The following HM13 variants were observed in gnomAD, a reference collection of about 807,000 sequenced individuals.
The protein encoded by HM13 is signal peptide peptidase.
Under a neutral mutation model 50.0 loss-of-function variants are expected in HM13, and 18 were observed. The ratio of observed to expected loss-of-function variants is 0.36; its 90% CI spans 0.25 to 0.53. The LOEUF (loss-of-function observed/expected upper bound fraction) is 0.53, where lower values mean the gene tolerates loss of function less well. Ranked by LOEUF, HM13 falls within the 20% of genes least tolerant of loss-of-function variation. HM13 has a pLI of 0.90. For missense variants in HM13, 393 were observed against 552.4 expected, an observed-to-expected ratio of 0.71 and a Z score of 2.89; for synonymous variants, 197 against 232.6, an observed-to-expected ratio of 0.85 and a Z score of 1.39.
intron 1 of HM13, among the ~76,000 whole-genome samples, chr20:31,520,519 G>T (rs531457460): frequency 5.3e-5 from 8 of 152,194 alleles, no homozygotes; most frequent in Admixed American, 4.6e-4. Context: ...GGCCAGGCTG[G>T]TCTCGAACTC....
intron 7 of HM13, among the ~76,000 whole-genome samples, chr20:31,551,308 C>T (rs905454412): frequency 4.6e-5 from 7 of 152,116 alleles, no homozygotes; most frequent in African/African-American, 1.7e-4. Context: ...GGACTCCCAC[C>T]CCAGCATTCT....
intron 11 of HM13, among the ~76,000 whole-genome samples, 158 bp downstream of exon 11, chr20:31,566,453 C>G (rs1185154681): frequency 6.6e-6 from 1 of 152,016 alleles, no homozygotes; most frequent in Non-Finnish European, 1.5e-5. Context: ...GGGTACCTGG[C>G]CTGTGGACAC....
rs1983863118 is a variant in HM13 at position 31,548,881 on chromosome 20, A to C, written c.455-148A>C. ...AGTGAGCTCTCCCCTTCTGAAACTCATACTAATCTGGGGCAGCCAAGGCTT... is the reference window on the plus strand; with the variant it reads ...AGTGAGCTCTCCCCTTCTGAAACTCCTACTAATCTGGGGCAGCCAAGGCTT... On this transcript the variant is annotated intron_variant, in intron 4 of 12. Coordinates refer to ENST00000398174, the MANE Select transcript of HM13 (RefSeq NM_178581.3). 12 of 727,958 alleles carry C rather than the reference A, an allele frequency of 1.6e-5. No individual in the cohort carries two copies. In the East Asian group the frequency reaches 2.7e-4, roughly 16 times the overall value. 45.1% of individuals were successfully genotyped at this position (727,958 alleles called of 1,614,324 possible).
chr20:31,548,867 C>G, intron 4 of HM13, 162 bp from the exon 5 acceptor site: 3 of 694,146 alleles, frequency 4.3e-6, no homozygotes, highest in Non-Finnish European at 5.1e-6. Flanking sequence ...GTGAGCTCTC[C>G]CCTTCTGAAA....
rs113099184 is a variant in HM13 at position 31,524,753 on chromosome 20, G to A, written c.184-2731G>A. 9.3e-4 allele frequency among the ~76,000 whole-genome samples: 122 copies of A among 131,232 alleles called. 1 individual carries two copies. The highest frequency in any genetic ancestry group is 9.0e-3 in the Middle Eastern group (2 of 222). The allele number at this position is 131,232 out of a possible 152,430, so 86.1% of individuals were successfully genotyped here. ...TTTTTAGATGGAGTCTCGCTCTGTC[G>A]CCCAGGCTGGAATGCAGTGGCACAA... On this transcript the variant is annotated intron_variant, in intron 1 of 12. Coordinates refer to ENST00000398174, the MANE Select transcript of HM13 (RefSeq NM_178581.3).
In HM13 at chr20:31,569,443, T is replaced by A; in HGVS notation, c.*224T>A. ...CCTGCAGGCAAAAGAAACCCCCAGC[T>A]TCCCCCCTCCCCGGGAGCCAGGTGG... On this transcript the variant is annotated 3_prime_UTR_variant, in exon 13 of 13. Transcript: ENST00000398174. 2.5e-6 allele frequency: 1 copy of A among 399,106 alleles called. No individual in the cohort carries two copies. The highest frequency in any genetic ancestry group is 4.6e-6 in the Non-Finnish European group (1 of 218,290). The allele number at this position is 399,106 out of a possible 1,614,324, so 24.7% of individuals were successfully genotyped here.
intron 11 of HM13, among the ~76,000 whole-genome samples, chr20:31,567,060 G>T (rs758273751): frequency 1.3e-5 from 2 of 151,976 alleles, no homozygotes; most frequent in Non-Finnish European, 2.9e-5. Context: ...CTGGCTCCCC[G>T]CAGGGGAGCC....
chr20:31,559,367 A>G (rs1342173411), intron 8 of HM13, among the ~76,000 whole-genome samples: 2 of 152,210 alleles, frequency 1.3e-5, no homozygotes, highest in Admixed American at 1.3e-4. Context: ...GGTGTGACAT[A>G]GTATGATGCG....
In HM13 at chr20:31,539,422, C is replaced by T. The variant is rs954927845; in HGVS notation, c.365+1161C>T. The T allele has an allele frequency of 1.4e-5, 14 of 985,312 alleles. No homozygotes were observed. In the Admixed American group the frequency reaches 3.7e-4, roughly 26 times the overall value. The allele number at this position is 985,312 out of a possible 1,614,324, so 61.0% of individuals were successfully genotyped here. A position where few individuals can be genotyped will look rare whatever the true frequency, so the allele number is the denominator to read the frequency against. On this transcript the variant is annotated intron_variant, in intron 3 of 12. Coordinates refer to ENST00000398174, the MANE Select transcript of HM13 (RefSeq NM_178581.3). ...TTTGAAGGGTAGGAAACCTGGAAGA[C>T]GTACAAAGGAGGGAGAGGTCAGGTG...
chr20:31,543,480 G>A (rs534546473), intron 3 of HM13, among the ~76,000 whole-genome samples: 124 of 151,848 alleles, frequency 8.2e-4, no homozygotes, highest in African/African-American at 2.8e-3. Context: ...GTAGAGATGA[G>A]GTTTTGCCAT....
chr20:31,547,067 G>T (rs778297876), intron 4 of HM13, among the ~76,000 whole-genome samples: 1 of 152,222 alleles, frequency 6.6e-6, no homozygotes, highest in Non-Finnish European at 1.5e-5. Context: ...CCAGCCAGAA[G>T]GAAGGAGAGG....
chr20:31,552,934 C>A (rs1191881051), intron 7 of HM13, among the ~76,000 whole-genome samples: 1 of 151,900 alleles, frequency 6.6e-6, no homozygotes, highest in East Asian at 1.9e-4. Context: ...AAGATCACAC[C>A]ACTGCACTCC....
At position 31,545,018 on chromosome 20, in the gene HM13, C is replaced by G; in HGVS notation, c.437C>G (p.Ser146Cys). The G allele has an allele frequency of 6.2e-7, 1 of 1,614,180 alleles. No individual in the cohort carries two copies. Among genetic ancestry groups the G allele is most frequent in the Non-Finnish European group, 8.5e-7 (1 of 1,179,978 alleles). ...RQYQLLFTQG[S>C]GENKEEIINY... ...TACCAGCTGCTCTTCACACAGGGTTCTGGGGAAAACAAGGAAGGTCAGTGC... is the reference window on the plus strand; with the variant it reads ...TACCAGCTGCTCTTCACACAGGGTTGTGGGGAAAACAAGGAAGGTCAGTGC... Residue 146 changes from serine (S) to cysteine (C), a missense_variant, in exon 4 of 13, where the codon TCT becomes TGT. This residue lies in a region of HM13 where 214 missense variants were observed against 276.1 expected (regional missense o/e 0.77). Transcript: ENST00000398174.
At chr20:31,524,025 A>G (rs1982336200) in intron 1 of HM13, among the ~76,000 whole-genome samples, 1 of 152,144 alleles carries the variant, frequency 6.6e-6, no homozygotes, top group Non-Finnish European at 1.5e-5. Flanking sequence ...CCCCCAATAC[A>G]GGCACAGTAC....
rs1600651117 is a variant in HM13, at chr20:31,547,658, T to C, written c.455-1371T>C. 1.0e-5 allele frequency: 16 copies of C among 1,552,522 alleles called. 1 individual carries two copies. The highest frequency in any genetic ancestry group is 3.5e-4 in the Middle Eastern group (2 of 5,748). ...ATGCCTAAGAAAGATCCTGTCAAAA[T>C]AGTCCGATGCCACGAACATACAGAA... On this transcript the variant is annotated intron_variant, in intron 4 of 12. Transcript: ENST00000398174.
At chr20:31,547,484 C>A in intron 4 of HM13, 1 of 636,708 alleles carries the variant, frequency 1.6e-6, no homozygotes, top group South Asian at 2.0e-5. Context: ...TCCCTGTTGT[C>A]GCCCGCTTCA....
chr20:31,523,047 A>G (rs6120609), intron 1 of HM13, among the ~76,000 whole-genome samples: 34,094 of 132,370 alleles, frequency 0.26, 8,193 homozygotes, highest in African/African-American at 0.67. Context: ...TTTTTTTGGG[A>G]GGGGGGCTTT....
chr20:31,560,025 C>T lies in HM13; in HGVS notation c.845+378C>T, dbSNP rs1234642216. Among the ~76,000 whole-genome samples, 4 of 152,182 alleles carry T rather than the reference C, an allele frequency of 2.6e-5. No homozygotes were observed. In the East Asian group the frequency reaches 7.7e-4, roughly 29 times the overall value. ...GCTGAGCACACACTGACCTCAGTCG[C>T]TCTTGGTTGAATCCTGGTTGCAGTC... On this transcript the variant is annotated intron_variant, in intron 9 of 12. Transcript: ENST00000398174.
In HM13 at chr20:31,514,454, C is replaced by T. The variant is rs1051931519; in HGVS notation, c.-98C>T. On this transcript the variant is annotated 5_prime_UTR_variant, in exon 1 of 13. Coordinates refer to ENST00000398174, the MANE Select transcript of HM13 (RefSeq NM_178581.3). The surrounding 1 kb of genome is among the most constrained non-coding windows in gnomAD (Gnocchi z 4.3). ...GAGGGAGCACGTCACTTCCTGTTGC[C>T]TTAGGGGAACGTGGCTTTCCCTGCA... 3.7e-5 allele frequency: 51 copies of T among 1,382,208 alleles called. No individual in the cohort carries two copies. Among genetic ancestry groups the T allele is most frequent in the Non-Finnish European group, 4.7e-5 (48 of 1,012,004 alleles). 85.6% of individuals were successfully genotyped at this position (1,382,208 alleles called of 1,614,324 possible). A position where few individuals can be genotyped will look rare whatever the true frequency, so the allele number is the denominator to read the frequency against.
Sources: allele counts gnomAD v4.1 joint callset (sites outside exome capture counted in the v4.1 genomes callset), GRCh38; gene constraint gnomAD v4.1.1; regional missense constraint gnomAD v4.1.1; non-coding constraint Gnocchi (gnomAD v3.1); transcripts MANE v1.5; gene names NCBI Gene and HGNC (gene_info 2026-07-23, HGNC 2026-07-21).